SARDH: variants seen among roughly 807,000 people sequenced by gnomAD.
SARDH encodes the protein sarcosine dehydrogenase, also known as sarcosine dehydrogenase, mitochondrial.
In SARDH, 95 loss-of-function variants were observed where a neutral mutation model predicts 109.1. That is an observed-to-expected ratio of 0.87 (90% confidence interval 0.74 to 1.03). The LOEUF is 1.03. Among genes scored for constraint, SARDH ranks in the 50% least tolerant of loss-of-function variants. The pLI, the probability that SARDH is intolerant of heterozygous loss-of-function variation, is 0.00. For synonymous variants in SARDH, 572 were observed against 534.8 expected (o/e 1.07, Z -0.96); for missense variants, 1,267 against 1,287.8 (o/e 0.98, Z 0.25).
chr9:133,714,295 G>A (rs1374766701), intron 8 of SARDH, among the ~76,000 whole-genome samples: 1 of 152,182 alleles, frequency 6.6e-6, no homozygotes, highest in African/African-American at 2.4e-5. Context: ...TAAGAGCCTG[G>A]CCAGGAGAGG....
chr9:133,663,175 G>C (rs1829940916), downstream of SARDH, among the ~76,000 whole-genome samples: 1 of 152,232 alleles, frequency 6.6e-6, no homozygotes, highest in African/African-American at 2.4e-5. Context: ...TGAGCGAGGG[G>C]CTCAAGGGGA....
chr9:133,724,065 C>A lies in SARDH; in HGVS notation c.916-5023G>T, dbSNP rs1307627464. Among the ~76,000 whole-genome samples, 16 of 151,702 alleles carry A rather than the reference C, an allele frequency of 1.1e-4. 1 individual carries two copies. On this transcript the variant is annotated intron_variant, in intron 6 of 20. Transcript: ENST00000439388. ...GTCTTCTTAAATATGACACCAAGAG[C>A]ACAAATGACAAAAGAGGAAAAAAAG...
chr9:133,701,082 CAG>C (rs935015375), intron 13 of SARDH, among the ~76,000 whole-genome samples: 1 of 152,238 alleles, frequency 6.6e-6, no homozygotes, highest in Non-Finnish European at 1.5e-5. Flanking sequence ...CAGGCAGTGG[CAG>C]AGTTATGGTC....
downstream of SARDH, among the ~76,000 whole-genome samples, chr9:133,661,890 C>T (rs552451511): frequency 3.7e-4 from 57 of 152,280 alleles, no homozygotes; most frequent in South Asian, 1.9e-3. Flanking sequence ...AAAATAGCTA[C>T]GAAACGGTGT....
intron 20 of SARDH, among the ~76,000 whole-genome samples, chr9:133,664,811 G>C (rs1303871265): frequency 6.6e-6 from 1 of 152,220 alleles, no homozygotes; most frequent in African/African-American, 2.4e-5. Context: ...TCTGAGCCAT[G>C]TGTGCACCTG....
downstream of SARDH, among the ~76,000 whole-genome samples, chr9:133,660,007 G>GTGAT (rs1424755677): frequency 1.3e-5 from 2 of 152,130 alleles, no homozygotes; most frequent in Non-Finnish European, 2.9e-5. Flanking sequence ...AAGAGCGGCA[G>GTGAT]TGATTGGGAA....
chr9:133,734,217 C>T lies in SARDH; in HGVS notation c.-30-14G>A. 1 of 1,482,698 alleles carries T rather than the reference C, an allele frequency of 6.7e-7. No homozygotes were observed. Among genetic ancestry groups the T allele is most frequent in the Middle Eastern group, 2.2e-4 (1 of 4,558 alleles). The allele number at this position is 1,482,698 out of a possible 1,614,324, so 91.8% of individuals were successfully genotyped here. A position where few individuals can be genotyped will look rare whatever the true frequency, so the allele number is the denominator to read the frequency against. ...CGAAACAGGGAGCTGGGGAGAGAAT[C>T]AGAGCTGGGTGGGGTGCAGAGGGGA... On this transcript the variant is annotated splice_polypyrimidine_tract_variant and intron_variant, in intron 1 of 20. Coordinates refer to ENST00000439388, the MANE Select transcript of SARDH (RefSeq NM_001134707.2).
At position 133,667,270 on chromosome 9, in the gene SARDH, G is replaced by A. The variant is rs560806316; in HGVS notation, c.2496-400C>T. The A allele has an allele frequency of 2.5e-4, 81 of 321,844 alleles. No individual in the cohort carries two copies. The East Asian group carries it at 4.2e-3, about 17-fold the overall frequency. 19.9% of individuals were successfully genotyped at this position (321,844 alleles called of 1,614,324 possible). A position where few individuals can be genotyped will look rare whatever the true frequency, so the allele number is the denominator to read the frequency against. On this transcript the variant is annotated intron_variant, in intron 19 of 20. Coordinates refer to ENST00000439388, the MANE Select transcript of SARDH (RefSeq NM_001134707.2). Reference sequence around the variant, plus strand: ...CAACCTCCGCCTCCCAGGTTCAAACGATTCTCCTGCCTCAGCCTCCGGAGT... The same window carrying A: ...CAACCTCCGCCTCCCAGGTTCAAACAATTCTCCTGCCTCAGCCTCCGGAGT...
At chr9:133,706,795 C>T (rs900715357) in intron 11 of SARDH, among the ~76,000 whole-genome samples, 2 of 152,148 alleles carry the variant, frequency 1.3e-5, no homozygotes, top group African/African-American at 2.4e-5. Flanking sequence ...GAGAGGGCCT[C>T]GGGGGCAGCA....
At chr9:133,671,754 C>T in intron 17 of SARDH, 57 bp from the exon 18 acceptor site, 1 of 1,511,608 alleles carries the variant, frequency 6.6e-7, no homozygotes, top group Non-Finnish European at 8.9e-7. Context: ...AGGTCCAGGC[C>T]CAGGCCACCA....
rs766238800 is a variant in SARDH, at chr9:133,734,066, G to A, written c.108C>T (p.Ala36=). 37 of 1,613,148 alleles carry A rather than the reference G, an allele frequency of 2.3e-5. 1 individual carries two copies. The East Asian group carries it at 3.1e-4, about 14-fold the overall frequency. ...CNLSSAAGPT[A]EKSVPYQRTL... Reference sequence around the variant, plus strand: ...TCCGCTGATATGGCACACTCTTCTCGGCTGTGGGGCCAGCTGCGCTGGACA... The same window carrying A: ...TCCGCTGATATGGCACACTCTTCTCAGCTGTGGGGCCAGCTGCGCTGGACA... Residue 36 remains alanine, a synonymous_variant, in exon 2 of 21, where the codon GCC becomes GCT. Transcript: ENST00000439388.
intron 17 of SARDH, among the ~76,000 whole-genome samples, chr9:133,676,706 AC>A (rs1443382248): frequency 6.6e-6 from 1 of 152,174 alleles, no homozygotes; most frequent in African/African-American, 2.4e-5. Context: ...TACCAGAGAG[AC>A]CGGGGGGAAA....
Position 133,670,648 on chromosome 9 carries a change from C to T in SARDH, c.2431G>A (p.Glu811Lys), listed in dbSNP as rs1176287302. 1 of 1,590,480 alleles carries T rather than the reference C, an allele frequency of 6.3e-7. No homozygotes were observed. Among genetic ancestry groups the T allele is most frequent in the Admixed American group, 1.8e-5 (1 of 56,758 alleles). The change falls in exon 19 of 21, where the codon GAG becomes AAG. Residue 811 changes from glutamate (E) to lysine (K), a missense_variant. Coordinates refer to ENST00000439388, the MANE Select transcript of SARDH (RefSeq NM_001134707.2). ...GCGGCCCGCTGCTGCTCCAGGGCCT[C>T]CCTCCCCAGGAAGGGCACCGGCGAC... is the stretch of plus-strand genomic sequence containing the variant. ...LKSPVPFLGR[E>K]ALEQQRAAGL...
intron 11 of SARDH, among the ~76,000 whole-genome samples, chr9:133,706,247 C>CAT (rs1831693784): frequency 6.6e-6 from 1 of 151,848 alleles, no homozygotes; most frequent in Non-Finnish European, 1.5e-5. Context: ...AAAGCATGGT[C>CAT]TGCATACACC....
intron 20 of SARDH, among the ~76,000 whole-genome samples, chr9:133,664,955 C>A (rs72761141): frequency 2.0e-5 from 3 of 152,180 alleles, no homozygotes; most frequent in Non-Finnish European, 4.4e-5. Flanking sequence ...GGCAGAAACG[C>A]CTTCCCCATC....
intron 16 of SARDH, among the ~76,000 whole-genome samples, chr9:133,688,321 G>A (rs1187624283): frequency 6.6e-6 from 1 of 152,162 alleles, no homozygotes; most frequent in African/African-American, 2.4e-5. Context: ...CGCGGAAGCT[G>A]TCTCTGTCCC....
At chr9:133,714,385 A>C (rs1007157851) in intron 8 of SARDH, among the ~76,000 whole-genome samples, 7 of 152,152 alleles carry the variant, frequency 4.6e-5, no homozygotes, top group Non-Finnish European at 8.8e-5. Context: ...GCAGGGCCCT[A>C]CGTGGAGGGC....
chr9:133,705,020 T>C lies in SARDH; in HGVS notation c.1482A>G (p.Gly494=). Residue 494 remains glycine, a synonymous_variant, in exon 12 of 21, where the codon GGA becomes GGG. Coordinates refer to ENST00000439388, the MANE Select transcript of SARDH (RefSeq NM_001134707.2). ...GCCGCTCCTGGAACACGCAGCCTTG[T>C]CCAAGGAGTTCCTGAGCAGGAGTGG... The part of the protein sequence containing the change: ...RRDPLHEELL[G]QGCVFQERHG... 1 of 1,590,896 alleles carries C rather than the reference T, an allele frequency of 6.3e-7. No individual in the cohort carries two copies. The highest frequency in any genetic ancestry group is 1.2e-5 in the South Asian group (1 of 86,916).
intron 17 of SARDH, among the ~76,000 whole-genome samples, chr9:133,681,845 A>G (rs129951): frequency 0.47 from 71,708 of 151,628 alleles, 19,163 homozygotes; most frequent in African/African-American, 0.74. Context: ...CCCGCCGCCT[A>G]TTTCCTGTGT....
Sources: gnomAD v4.1 joint callset for allele counts (sites outside exome capture counted in the v4.1 genomes callset) on GRCh38, gnomAD v4.1.1 for gene constraint, MANE v1.5 for transcripts, NCBI Gene and HGNC (gene_info 2026-07-23, HGNC 2026-07-21) for gene names.